NAV2: variants seen among roughly 807,000 people sequenced by gnomAD.
The protein encoded by NAV2 is neuron navigator 2, also known as helicase, APC down-regulated 1.
Under a neutral mutation model 223.2 loss-of-function variants are expected in NAV2, and 54 were observed. The observed-to-expected ratio is 0.24, with a 90% CI of 0.19 to 0.30. The LOEUF (loss-of-function observed/expected upper bound fraction) is 0.30. Among genes scored for constraint, NAV2 ranks in the 10% least tolerant of loss-of-function variants. The pLI, the probability that NAV2 is intolerant of heterozygous loss-of-function variation, is 1.00. For synonymous variants in NAV2, 1,279 were observed against 1,239.3 expected, an observed-to-expected ratio of 1.03 and a Z score of -0.67; for missense variants, 2,806 against 3,147.5, an observed-to-expected ratio of 0.89 and a Z score of 2.60.
intron 1 of NAV2, among the ~76,000 whole-genome samples, chr11:19,390,377 C>T (rs56352903): frequency 0.022 from 3,287 of 152,242 alleles, 70 homozygotes; most frequent in Admixed American, 0.063. Flanking sequence ...CAGATCTGCC[C>T]TGAAAGCCTA....
Position 19,946,474 on chromosome 11 carries a change from C to T in NAV2, c.2220C>T (p.Thr740=). 1 of 1,613,684 alleles carries T rather than the reference C, an allele frequency of 6.2e-7. No individual in the cohort carries two copies. Among genetic ancestry groups the T allele is most frequent in the Admixed American group, 1.7e-5 (1 of 59,974 alleles). The change falls in exon 9 of 38, where the codon ACC becomes ACT. Residue 740 remains threonine, a synonymous_variant. Coordinates refer to ENST00000349880, the MANE Select transcript of NAV2 (RefSeq NM_145117.5). ...IADLRQNLEE[T]MSSLRGTQVT... is the part of the protein sequence containing the mutation. ...ATCTGCGGCAGAATTTGGAGGAAAC[C>T]ATGTCCAGTTTAAGGGGAACTCAGG...
chr11:20,091,161 C>T (rs2060822284), intron 27 of NAV2, 143 bp downstream of exon 27: 1 of 735,378 alleles, frequency 1.4e-6, no homozygotes, highest in Non-Finnish European at 2.2e-6. Flanking sequence ...TCAGTCCCTC[C>T]CACACATTGC....
At chr11:19,606,032 T>C (rs549029051) in intron 1 of NAV2, among the ~76,000 whole-genome samples, 1 of 152,338 alleles carries the variant, frequency 6.6e-6, no homozygotes, top group East Asian at 1.9e-4. Context: ...CATTCAAGAC[T>C]GGTTTTGAAC....
chr11:19,539,248 G>T (rs1334457147), intron 1 of NAV2, among the ~76,000 whole-genome samples: 2 of 152,218 alleles, frequency 1.3e-5, no homozygotes, highest in African/African-American at 4.8e-5. Flanking sequence ...ATGAATAGTT[G>T]AAGGGAATCT....
Position 19,390,845 on chromosome 11 carries a change from G to A in NAV2, c.75+39818G>A, listed in dbSNP as rs148089047. On this transcript the variant is annotated intron_variant, in intron 1 of 37. Transcript: ENST00000360655. ...TGAGATGGGAGTGGGCTTGGTCAGTGTTAGGAAAGGCTGCCATTTATTGTT... is the reference window on the plus strand; with the variant it reads ...TGAGATGGGAGTGGGCTTGGTCAGTATTAGGAAAGGCTGCCATTTATTGTT... Among the ~76,000 whole-genome samples the A allele has an allele frequency of 2.8e-3, 432 of 152,274 alleles. 4 individuals are homozygous for A. The highest frequency in any genetic ancestry group is 0.01 in the African/African-American group (417 of 41,538).
intron 6 of NAV2, among the ~76,000 whole-genome samples, chr11:19,912,201 T>C (rs2043371044): frequency 6.6e-6 from 1 of 152,208 alleles, no homozygotes; most frequent in South Asian, 2.1e-4. Flanking sequence ...GCCAATGTTT[T>C]TGAAATAGAA....
chr11:19,784,241 A>G (rs948288980), intron 1 of NAV2, among the ~76,000 whole-genome samples: 2 of 151,872 alleles, frequency 1.3e-5, no homozygotes, highest in Non-Finnish European at 1.5e-5. Context: ...ATACAAAATT[A>G]GCTGGGCATG....
chr11:19,496,348 G>A (rs910733208), intron 1 of NAV2, among the ~76,000 whole-genome samples: 2 of 152,188 alleles, frequency 1.3e-5, no homozygotes, highest in Non-Finnish European at 2.9e-5. Context: ...CCAGCTCAAG[G>A]TCTCTCATGA....
chr11:20,064,749 A>G (rs1026007605), intron 20 of NAV2, among the ~76,000 whole-genome samples: 1 of 152,220 alleles, frequency 6.6e-6, no homozygotes, highest in Non-Finnish European at 1.5e-5. Context: ...TATAAATTCA[A>G]TGAATTAGTA....
Position 19,687,406 on chromosome 11 carries a change from C to G in NAV2, c.76-145078C>G, listed in dbSNP as rs2049053400. ...TTTTCATTGAAATATTACATGCATT[C>G]AGAAAAAAGCAAATATTATACATGA... On this transcript the variant is annotated intron_variant, in intron 1 of 37. Transcript: ENST00000360655. Among the ~76,000 whole-genome samples the G allele has an allele frequency of 2.0e-5, 3 of 152,176 alleles. No homozygotes were observed. The South Asian group carries it at 6.2e-4, about 32-fold the overall frequency.
chr11:19,456,199 C>T (rs574868728), intron 1 of NAV2, among the ~76,000 whole-genome samples: 2 of 152,302 alleles, frequency 1.3e-5, no homozygotes, highest in African/African-American at 2.4e-5. Context: ...AGTAAAAGAG[C>T]GTGCATTTAA....
chr11:19,420,472 T>A (rs541457161), intron 1 of NAV2, among the ~76,000 whole-genome samples: 4 of 152,316 alleles, frequency 2.6e-5, no homozygotes, highest in Admixed American at 2.0e-4. Flanking sequence ...TGCTAGAATG[T>A]TCATAGCAAC....
chr11:19,979,201 G>A (rs1392770895), intron 10 of NAV2: 2 of 152,216 alleles, frequency 1.3e-5, no homozygotes, highest in Non-Finnish European at 2.9e-5. Flanking sequence ...AAAATCTGTA[G>A]AAGAAAGTAC....
At chr11:19,619,958 C>A (rs2046933830) in intron 1 of NAV2, among the ~76,000 whole-genome samples, 1 of 152,108 alleles carries the variant, frequency 6.6e-6, no homozygotes, top group Non-Finnish European at 1.5e-5. Context: ...GGAAGGGATC[C>A]AGTTTCAGCT....
chr11:19,841,932 G>A (rs2060535134), intron 2 of NAV2, among the ~76,000 whole-genome samples: 1 of 152,188 alleles, frequency 6.6e-6, no homozygotes, highest in Non-Finnish European at 1.5e-5. Flanking sequence ...GAAGCAGGTA[G>A]TATTAACTGT....
chr11:19,731,845 A>T (rs975648488), intron 1 of NAV2, among the ~76,000 whole-genome samples: 2 of 152,226 alleles, frequency 1.3e-5, no homozygotes, highest in Non-Finnish European at 2.9e-5. Context: ...AGGGTCCTAG[A>T]TCAAACAAAT....
chr11:20,103,682 C>T lies in NAV2; in HGVS notation c.6602C>T (p.Ala2201Val). 6.2e-7 allele frequency: 1 copy of T among 1,614,178 alleles called. No individual in the cohort carries two copies. Among genetic ancestry groups the T allele is most frequent in the East Asian group, 2.2e-5 (1 of 44,876 alleles). ...CPYIIGTMNQ[A>V]TSSTPNLQLH... ...TACATAATTGGCACAATGAACCAGGCTACCTCTTCGACTCCCAACCTGCAG... is the reference window on the plus strand; with the variant it reads ...TACATAATTGGCACAATGAACCAGGTTACCTCTTCGACTCCCAACCTGCAG... The change falls in exon 34 of 38, where the codon GCT becomes GTT. Residue 2201 changes from alanine to valine, a missense_variant. Transcript: ENST00000349880.
chr11:19,515,817 T>C (rs1429199324), intron 1 of NAV2, among the ~76,000 whole-genome samples: 1 of 152,206 alleles, frequency 6.6e-6, no homozygotes, highest in African/African-American at 2.4e-5. Context: ...AGGACTGTGG[T>C]TGCTTTGAAG....
intron 28 of NAV2, among the ~76,000 whole-genome samples, 188 bp downstream of exon 28, chr11:20,092,556 T>C (rs2060926763): frequency 6.6e-6 from 1 of 152,212 alleles, no homozygotes; most frequent in Non-Finnish European, 1.5e-5. Flanking sequence ...TAGACTGCTC[T>C]CATGCTTTGC....
Sources: allele counts gnomAD v4.1 joint callset (sites outside exome capture counted in the v4.1 genomes callset), GRCh38; gene constraint gnomAD v4.1.1; transcripts MANE v1.5; gene names NCBI Gene and HGNC (gene_info 2026-07-23, HGNC 2026-07-21).